Variants in LRRC56 observed in about 807,000 individuals in gnomAD.
LRRC56 encodes the protein leucine-rich repeat-containing protein 56.
Under a neutral mutation model 47.8 loss-of-function variants are expected in LRRC56, and 41 were observed. The observed-to-expected ratio is 0.86, with a 90% confidence interval of 0.67 to 1.11. LRRC56 has a LOEUF of 1.11. Among genes scored for constraint, LRRC56 ranks in the 50% most tolerant of loss-of-function variants. The pLI is 0.00. For missense variants in LRRC56, 759 were observed against 704.2 expected (o/e 1.08, Z -0.88); for synonymous variants, 387 against 311.2 (o/e 1.24, Z -2.56).
At chr11:519,108 G>A in the LRRC56 span, among the ~76,000 whole-genome samples, 1 of 151,730 alleles carries the variant, frequency 6.6e-6, no homozygotes, top group Non-Finnish European at 1.5e-5. Flanking sequence ...CTTTTCTCAG[G>A]TAAGAACTAC....
chr11:507,793 G>GT, the LRRC56 span, among the ~76,000 whole-genome samples: 2 of 152,224 alleles, frequency 1.3e-5, no homozygotes, highest in African/African-American at 4.8e-5. Flanking sequence ...CCACGGCCCC[G>GT]TGAACCACGC....
Position 554,290 on chromosome 11 carries a change from G to A in LRRC56, c.*14G>A. 1 of 1,475,002 alleles carries A rather than the reference G, an allele frequency of 6.8e-7. No individual in the cohort carries two copies. The highest frequency in any genetic ancestry group is 1.4e-5 in the South Asian group (1 of 72,576). The allele number at this position is 1,475,002 out of a possible 1,614,324, so 91.4% of individuals were successfully genotyped here. ...GTCCCCACTTAATATAGCCCCCACT[G>A]CCAGGCTTCCCTGTGCTGGGGCCAC... On this transcript the variant is annotated 3_prime_UTR_variant, in exon 14 of 14. Coordinates refer to ENST00000270115, the MANE Select transcript of LRRC56 (RefSeq NM_198075.4).
chr11:545,924 T>A (rs1852051419), intron 6 of LRRC56, among the ~76,000 whole-genome samples: 1 of 152,154 alleles, frequency 6.6e-6, no homozygotes, highest in Non-Finnish European at 1.5e-5. Context: ...TTAAGCAACC[T>A]CTCTTTGAAT....
In LRRC56 at chr11:554,532, C is replaced by G. The variant is rs1190060796; in HGVS notation, c.*256C>G. The G allele has an allele frequency of 5.5e-5, 23 of 418,270 alleles. No individual in the cohort carries two copies. In the East Asian group the frequency reaches 8.3e-4, roughly 15 times the overall value. The allele number at this position is 418,270 out of a possible 1,614,324, so 25.9% of individuals were successfully genotyped here. On this transcript the variant is annotated 3_prime_UTR_variant, in exon 14 of 14. Transcript: ENST00000270115. Reference sequence around the variant, plus strand: ...CGGCTCCCCAGCCCTTCCTTAGGGCCAGGCTTTCCCGCGGGCACGGGGGTG... The same window carrying G: ...CGGCTCCCCAGCCCTTCCTTAGGGCGAGGCTTTCCCGCGGGCACGGGGGTG...
upstream of LRRC56, chr11:533,353 G>A (rs1310647370): frequency 1.9e-6 from 3 of 1,606,372 alleles, no homozygotes; most frequent in Non-Finnish European, 8.5e-7. Context: ...AGCCAGAGCG[G>A]CTGCCCTGTG....
At chr11:531,290 A>G in the LRRC56 span, among the ~76,000 whole-genome samples, 8 of 152,116 alleles carry the variant, frequency 5.3e-5, no homozygotes, top group Non-Finnish European at 1.2e-4. Context: ...CCCCAACCTC[A>G]GGGATAGGGA....
At chr11:528,025 A>G in the LRRC56 span, among the ~76,000 whole-genome samples, 2 of 151,742 alleles carry the variant, frequency 1.3e-5, no homozygotes, top group Non-Finnish European at 2.9e-5. Flanking sequence ...TAATAGAAAC[A>G]GGGTTTCACC....
chr11:507,447 CCAGT>C, the LRRC56 span: 1 of 150,300 alleles, frequency 6.7e-6, no homozygotes, highest in South Asian at 2.1e-4. Flanking sequence ...GTGGTCTCCC[CCAGT>C]AGGCGGGGCT....
rs1852293000 is a variant in LRRC56 at position 549,987 on chromosome 11, C to T, written c.412C>T (p.Pro138Ser). Residue 138 changes from proline (P) to serine (S), a missense_variant, in exon 7 of 14, where the codon CCA becomes TCA. By Grantham distance (74) the Pro-to-Ser change is moderately conservative. Transcript: ENST00000270115. ...TGACCTGGATGGCATCGCCTCTTTG[C>T]CAGCACTTAAGGTGAGTCTGGGCAC... ...LADLDGIASL[P>S]ALKELYASYN... 1 of 1,612,660 alleles carries T rather than the reference C, an allele frequency of 6.2e-7. No homozygotes were observed. Among genetic ancestry groups the T allele is most frequent in the African/African-American group, 1.3e-5 (1 of 74,940 alleles).
intron 5 of LRRC56, among the ~76,000 whole-genome samples, chr11:543,970 G>A (rs758977434): frequency 7.2e-5 from 11 of 151,970 alleles, no homozygotes; most frequent in Non-Finnish European, 1.3e-4. Flanking sequence ...GGATGGTCTC[G>A]ATCTACTGAC....
the LRRC56 span, among the ~76,000 whole-genome samples, chr11:527,523 A>C: frequency 6.6e-6 from 1 of 151,998 alleles, no homozygotes; most frequent in African/African-American, 2.4e-5. Context: ...CGATAGGGTA[A>C]GGGTTTTGTT....
chr11:545,953 A>G (rs1642163751), intron 6 of LRRC56, among the ~76,000 whole-genome samples: 1 of 152,154 alleles, frequency 6.6e-6, no homozygotes, highest in Non-Finnish European at 1.5e-5. Flanking sequence ...GATTTTCCTT[A>G]TTTGTACTTC....
chr11:550,112 C>A lies in LRRC56; in HGVS notation c.464C>A (p.Pro155Gln), dbSNP rs371927586. 6.2e-7 allele frequency: 1 copy of A among 1,613,456 alleles called. No individual in the cohort carries two copies. The highest frequency in any genetic ancestry group is 8.5e-7 in the Non-Finnish European group (1 of 1,179,822). ...ASYNNISDLS[P>Q]LCLLEQLEVL... ...TACAACAACATCTCGGACCTGAGCC[C>A]ACTGTGCCTGCTGGAACAATTGGAG... Residue 155 changes from proline to glutamine, a missense_variant, in exon 8 of 14, where the codon CCA (proline) becomes CAA (glutamine). Coordinates refer to ENST00000270115, the MANE Select transcript of LRRC56 (RefSeq NM_198075.4).
chr11:508,058 C>T, the LRRC56 span, among the ~76,000 whole-genome samples: 3 of 152,234 alleles, frequency 2.0e-5, no homozygotes, highest in East Asian at 5.8e-4. Context: ...GACTAGTCCG[C>T]AATTCACAGA....
intron 8 of LRRC56, 27 bp from the exon 9 acceptor site, chr11:551,104 T>TA: frequency 1.1e-6 from 1 of 873,950 alleles, no homozygotes; most frequent in Non-Finnish European, 1.6e-6. Flanking sequence ...AGACCTGCCC[T>TA]CCCTCCCCCT....
chr11:535,037 G>A (rs1031637798), upstream of LRRC56, among the ~76,000 whole-genome samples: 1 of 152,064 alleles, frequency 6.6e-6, no homozygotes, highest in South Asian at 2.1e-4. Context: ...CCCCGGCCTG[G>A]TCCGCGACCT....
the LRRC56 span, among the ~76,000 whole-genome samples, chr11:531,266 C>T: frequency 6.6e-6 from 1 of 152,118 alleles, no homozygotes; most frequent in African/African-American, 2.4e-5. Context: ...CAGCGGCATG[C>T]CCTGCTAGCT....
At chr11:524,354 G>A in the LRRC56 span, among the ~76,000 whole-genome samples, 3 of 152,134 alleles carry the variant, frequency 2.0e-5, no homozygotes, top group African/African-American at 4.8e-5. Context: ...AGATCTGGCC[G>A]GGCGCGGTGG....
rs1564799199 is a variant in LRRC56, at chr11:542,589, A to AC, written c.265+965_265+966insC. On this transcript the variant is annotated intron_variant, in intron 5 of 13. Transcript: ENST00000270115. The stretch of plus-strand genomic sequence containing the variant: ...GAGCAAAACCCTGTCGCAAAAAAAA[A>AC]AAAAAAAAAAAAAAACACTCCCTCC... Among the ~76,000 whole-genome samples the AC allele has an allele frequency of 3.5e-3, 517 of 148,614 alleles. 8 individuals are homozygous for AC. Among genetic ancestry groups the AC allele is most frequent in the Middle Eastern group, 0.01 (3 of 286 alleles).
Sources: allele counts gnomAD v4.1 joint callset (sites outside exome capture counted in the v4.1 genomes callset), GRCh38; gene constraint gnomAD v4.1.1; transcripts MANE v1.5; gene names NCBI Gene and HGNC (gene_info 2026-07-23, HGNC 2026-07-21).